The following PALM variants were observed in gnomAD, a reference collection of about 807,000 sequenced individuals.
PALM encodes paralemmin.
A neutral mutation model predicts 30.7 loss-of-function variants in PALM; 18 were observed. That is an observed-to-expected ratio of 0.59 (90% CI 0.41 to 0.87). PALM has a LOEUF of 0.87. Among genes scored for constraint, PALM ranks in the 40% least tolerant of loss-of-function variants. The pLI, the probability that PALM is intolerant of heterozygous loss-of-function variation, is 0.00. For missense variants in PALM, 529 were observed against 555.4 expected, an observed-to-expected ratio of 0.95 and a Z score of 0.48; for synonymous variants, 286 against 242.8, an observed-to-expected ratio of 1.18 and a Z score of -1.66.
At chr19:738,091 G>A (rs1213810428) in intron 7 of PALM, among the ~76,000 whole-genome samples, 1 of 152,094 alleles carries the variant, frequency 6.6e-6, no homozygotes, top group Non-Finnish European at 1.5e-5. Context: ...GAGGAGAAAC[G>A]AGGTGTCAGG....
In PALM at chr19:731,138, C is replaced by T. The variant is rs1337124923; in HGVS notation, c.313C>T (p.Pro105Ser). Residue 105 changes from proline (P) to serine (S), a missense_variant, in exon 5 of 9, where the codon CCA becomes TCA. Physicochemically the swap from Pro to Ser is moderately conservative, Grantham distance 74. Coordinates refer to ENST00000338448, the MANE Select transcript of PALM (RefSeq NM_002579.3). ...IEVLERGDSAPATAKENAAAP... is the reference protein window; with the variant it reads ...IEVLERGDSASATAKENAAAP... ...GGTGCTGGAGCGTGGAGACTCCGCC[C>T]CAGCCACTGCCAAGGAGAACGCGGC... The T allele has an allele frequency of 1.1e-5, 18 of 1,606,472 alleles. No homozygotes were observed. Among genetic ancestry groups the T allele is most frequent in the Non-Finnish European group, 1.4e-5 (17 of 1,177,108 alleles).
At chr19:716,798 A>G (rs935918129) in intron 1 of PALM, among the ~76,000 whole-genome samples, 17 of 152,142 alleles carry the variant, frequency 1.1e-4, no homozygotes, top group African/African-American at 3.9e-4. Flanking sequence ...ACGTATACAC[A>G]CACGTACACA....
chr19:715,963 G>GTCC (rs2032241053), intron 1 of PALM, among the ~76,000 whole-genome samples: 1 of 152,138 alleles, frequency 6.6e-6, no homozygotes, highest in Non-Finnish European at 1.5e-5. Context: ...CTGCGTGGAC[G>GTCC]TCTTGGTGTC....
In PALM at chr19:726,967, C is replaced by T. The variant is rs1393021329; in HGVS notation, c.58-41C>T. On this transcript the variant is annotated intron_variant, in intron 2 of 8. Transcript: ENST00000338448. ...TGTGGGGGTGGGGGGGTCTCCGGGA[C>T]CCCCACGCCCATCCCTGACCCCACC... The T allele has an allele frequency of 3.3e-6, 4 of 1,202,436 alleles. No individual in the cohort carries two copies. In the South Asian group the frequency reaches 5.2e-5, roughly 16 times the overall value. The allele number at this position is 1,202,436 out of a possible 1,614,324, so 74.5% of individuals were successfully genotyped here. A position where few individuals can be genotyped will look rare whatever the true frequency, so the allele number is the denominator to read the frequency against.
At chr19:724,474 C>T (rs920399830) in intron 1 of PALM, among the ~76,000 whole-genome samples, 13 of 152,046 alleles carry the variant, frequency 8.6e-5, no homozygotes, top group Non-Finnish European at 1.8e-4. Context: ...TGCCGACCAC[C>T]ACGCCTGGCT....
chr19:745,148 C>G (rs2033302732), intron 8 of PALM, among the ~76,000 whole-genome samples: 1 of 152,140 alleles, frequency 6.6e-6, no homozygotes, highest in South Asian at 2.1e-4. Context: ...CCATTGCACT[C>G]CAGCCTGGGC....
At chr19:710,690 GC>G (rs1385587991) in intron 1 of PALM, among the ~76,000 whole-genome samples, 4 of 54,388 alleles carry the variant, frequency 7.4e-5, no homozygotes, top group African/African-American at 3.3e-4. Context: ...AGCACCTGGG[GC>G]CGGGGGGCCT....
At chr19:736,772 GGGCGTGGT>G (rs2033036590) in intron 7 of PALM, among the ~76,000 whole-genome samples, 1 of 152,198 alleles carries the variant, frequency 6.6e-6, no homozygotes, top group African/African-American at 2.4e-5. Context: ...GCAGAGGGCC[GGGCGTGGT>G]GGCTCACACC....
Position 746,539 on chromosome 19 carries a change from C to T in PALM, c.889C>T (p.Pro297Ser), listed in dbSNP as rs774106650. The T allele has an allele frequency of 6.2e-7, 1 of 1,613,254 alleles. No homozygotes were observed. The highest frequency in any genetic ancestry group is 8.5e-7 in the Non-Finnish European group (1 of 1,179,920). Residue 297 changes from proline to serine, a missense_variant, in exon 9 of 9, where the codon CCG (proline) becomes TCG (serine). Pro to Ser is a moderately conservative substitution (Grantham distance 74). Coordinates refer to ENST00000338448, the MANE Select transcript of PALM (RefSeq NM_002579.3). The surrounding 1 kb of genome is among the most constrained non-coding windows in gnomAD (Gnocchi z 7.1). ...PPGIQPGQEP[P>S]VTMIFMGYQN... ...GGGGATCCAGCCCGGCCAGGAGCCC[C>T]CGGTCACAATGATCTTCATGGGTTA...
intron 3 of PALM, 102 bp downstream of exon 3, chr19:727,190 G>T (rs2032699836): frequency 1.4e-6 from 1 of 706,296 alleles, no homozygotes; most frequent in Non-Finnish European, 2.4e-6. Flanking sequence ...ATCCCAACCT[G>T]ACCCTGACCC....
At chr19:713,288 C>T (rs2032145430) in intron 1 of PALM, among the ~76,000 whole-genome samples, 1 of 152,062 alleles carries the variant, frequency 6.6e-6, no homozygotes, top group African/African-American at 2.4e-5. Flanking sequence ...GGCATCTGCC[C>T]TGCCTCTGTG....
chr19:724,437 C>T (rs554444292), intron 1 of PALM, among the ~76,000 whole-genome samples: 67 of 151,668 alleles, frequency 4.4e-4, no homozygotes, highest in Middle Eastern at 3.4e-3. Flanking sequence ...TCTCCTGTCT[C>T]GGCCTCCAAG....
intron 1 of PALM, chr19:719,403 G>A (rs1053335035): frequency 2.3e-5 from 23 of 985,356 alleles, no homozygotes; most frequent in Middle Eastern, 1.0e-3. Flanking sequence ...GCCGGGCCCC[G>A]AGCCGCCCAC....
At chr19:726,279 G>A in intron 2 of PALM, 90 bp downstream of exon 2, 1 of 1,036,918 alleles carries the variant, frequency 9.6e-7, no homozygotes, top group Non-Finnish European at 1.5e-6. Context: ...CCTAGGACCT[G>A]GAACCAGGGC....
In PALM at chr19:746,109, C is replaced by A. The variant is rs937275966; in HGVS notation, c.635-176C>A. On this transcript the variant is annotated intron_variant, in intron 8 of 8. Coordinates refer to ENST00000338448, the MANE Select transcript of PALM (RefSeq NM_002579.3). The surrounding 1 kb of genome is among the most constrained non-coding windows in gnomAD (Gnocchi z 7.1). ...CGGCATTGGCTGCATCCACAGATGC[C>A]AACAGGGGGCTTTAATTGTCTGTCA... Among the ~76,000 whole-genome samples, 5 of 152,168 alleles carry A rather than the reference C, an allele frequency of 3.3e-5. No individual in the cohort carries two copies. The highest frequency in any genetic ancestry group is 7.4e-5 in the Non-Finnish European group (5 of 68,022).
chr19:729,479 T>TG lies in PALM; in HGVS notation c.270-1616_270-1615insG, dbSNP rs1224330687. Among the ~76,000 whole-genome samples, 198 of 137,078 alleles carry TG rather than the reference T, an allele frequency of 1.4e-3. 1 individual carries two copies. Among genetic ancestry groups the TG allele is most frequent in the Non-Finnish European group, 2.3e-3 (149 of 63,840 alleles). 89.9% of individuals were successfully genotyped at this position (137,078 alleles called of 152,430 possible). A position where few individuals can be genotyped will look rare whatever the true frequency, so the allele number is the denominator to read the frequency against. Reference sequence around the variant, plus strand: ...GCGTCTTTTTTTTTTTTTTTTTTTTTTTTTGAGAAGGAGTCTCGCTCTGTC... The same window carrying TG: ...GCGTCTTTTTTTTTTTTTTTTTTTTTGTTTTGAGAAGGAGTCTCGCTCTGTC... On this transcript the variant is annotated intron_variant, in intron 4 of 8. Coordinates refer to ENST00000338448, the MANE Select transcript of PALM (RefSeq NM_002579.3).
chr19:735,277 C>T (rs914623358), intron 6 of PALM, among the ~76,000 whole-genome samples: 3 of 131,248 alleles, frequency 2.3e-5, no homozygotes, highest in African/African-American at 8.9e-5. Flanking sequence ...TCGGTGGGGT[C>T]TGTGTGTCTG....
intron 1 of PALM, among the ~76,000 whole-genome samples, chr19:718,338 T>C (rs112972045): frequency 0.013 from 2,005 of 152,236 alleles, 49 homozygotes; most frequent in African/African-American, 0.043. Flanking sequence ...TGGGTGACCG[T>C]GCACCAGGCA....
chr19:716,465 G>A (rs1045705510), intron 1 of PALM, among the ~76,000 whole-genome samples: 1 of 152,052 alleles, frequency 6.6e-6, no homozygotes, highest in Non-Finnish European at 1.5e-5. Flanking sequence ...CCAGCTGAGT[G>A]GGAGGCGCTG....
Sources: gnomAD v4.1 joint callset for allele counts (sites outside exome capture counted in the v4.1 genomes callset) on GRCh38, gnomAD v4.1.1 for gene constraint, Gnocchi (gnomAD v3.1) non-coding constraint, MANE v1.5 for transcripts, NCBI Gene and HGNC (gene_info 2026-07-23, HGNC 2026-07-21) for gene names.